CSMD1: variants seen among roughly 807,000 people sequenced by gnomAD.
The protein encoded by CSMD1 is CUB and Sushi multiple domains 1.
CSMD1 carries 213 observed loss-of-function variants against 417.5 expected under a neutral mutation model. The ratio of observed to expected loss-of-function variants is 0.51; its 90% confidence interval spans 0.46 to 0.57. The LOEUF (loss-of-function observed/expected upper bound fraction) is 0.57. Ranked by LOEUF, CSMD1 falls within the 20% of genes least tolerant of loss-of-function variation. CSMD1 has a pLI of 0.00. For missense variants in CSMD1, 6,923 were observed against 4,529.7 expected (o/e 1.53, Z -15.17); for synonymous variants, 2,862 against 1,736.8 (o/e 1.65, Z -16.11).
chr8:4,757,327 G>A (rs1343182840), intron 1 of CSMD1, among the ~76,000 whole-genome samples: 1 of 152,116 alleles, frequency 6.6e-6, no homozygotes, highest in Non-Finnish European at 1.5e-5. Context: ...ATCATGTCTT[G>A]AATTTCTCCT....
At chr8:4,201,887 TGGG>T (rs5741962) in intron 3 of CSMD1, among the ~76,000 whole-genome samples, 10 of 127,830 alleles carry the variant, frequency 7.8e-5, no homozygotes, top group East Asian at 2.5e-4. Flanking sequence ...ATGGAAATTT[TGGG>T]GGGGGGGGGC....
intron 26 of CSMD1, 88 bp from the exon 27 acceptor site, chr8:3,230,319 A>ACT: frequency 1.9e-6 from 2 of 1,045,868 alleles, no homozygotes; most frequent in Non-Finnish European, 2.7e-6. Flanking sequence ...GGGTTGAAGC[A>ACT]CTCTTCATTG....
intron 5 of CSMD1, among the ~76,000 whole-genome samples, chr8:3,817,899 A>T (rs1361160998): frequency 1.3e-5 from 2 of 152,188 alleles, no homozygotes; most frequent in Non-Finnish European, 2.9e-5. Context: ...GCTAAGATGC[A>T]GATTCAGCCC....
chr8:3,813,447 A>G (rs1044203661), intron 5 of CSMD1, among the ~76,000 whole-genome samples: 9 of 152,142 alleles, frequency 5.9e-5, no homozygotes, highest in African/African-American at 9.7e-5. Flanking sequence ...TTAAGTCTAT[A>G]AGCATGGTAT....
At chr8:4,303,247 A>C (rs1453178996) in intron 3 of CSMD1, among the ~76,000 whole-genome samples, 2 of 152,118 alleles carry the variant, frequency 1.3e-5, no homozygotes, top group Admixed American at 1.3e-4. Context: ...AGTATTCTCT[A>C]CTCTCATGAA....
chr8:4,776,487 G>A (rs1446990158), intron 1 of CSMD1, among the ~76,000 whole-genome samples: 1 of 152,100 alleles, frequency 6.6e-6, no homozygotes, highest in Non-Finnish European at 1.5e-5. Context: ...GCAGAGTTGT[G>A]GTTAGGAACC....
chr8:4,633,658 G>A (rs1427353810), intron 2 of CSMD1, among the ~76,000 whole-genome samples: 1 of 151,680 alleles, frequency 6.6e-6, no homozygotes, highest in African/African-American at 2.4e-5. Context: ...CCAGGTTCAA[G>A]TGATTCTCCT....
intron 2 of CSMD1, among the ~76,000 whole-genome samples, chr8:4,457,130 TA>T (rs1799537691): frequency 6.6e-6 from 1 of 152,116 alleles, no homozygotes; most frequent in South Asian, 2.1e-4. Context: ...GTGAAAGAGT[TA>T]TTCCTATACC....
intron 5 of CSMD1, among the ~76,000 whole-genome samples, chr8:3,786,028 T>C (rs993325395): frequency 2.6e-5 from 4 of 151,978 alleles, no homozygotes; most frequent in Non-Finnish European, 4.4e-5. Flanking sequence ...GTGAAGAAAA[T>C]TAGAAGGACG....
chr8:4,703,392 C>A (rs1240997774), intron 1 of CSMD1, among the ~76,000 whole-genome samples: 1 of 152,160 alleles, frequency 6.6e-6, no homozygotes, highest in Non-Finnish European at 1.5e-5. Flanking sequence ...TAGCGATGGA[C>A]TCAACATCAT....
At position 4,265,856 on chromosome 8, in the gene CSMD1, A is replaced by G. The variant is rs1275494189; in HGVS notation, c.415+154097T>C. Reference sequence around the variant, plus strand: ...TACCCTAAAAGCCAGCTATTTCTATAGGTCCATGGTGTCCCCACAGATAAA... The same window carrying G: ...TACCCTAAAAGCCAGCTATTTCTATGGGTCCATGGTGTCCCCACAGATAAA... On this transcript the variant is annotated intron_variant, in intron 3 of 69. Transcript: ENST00000635120. Among the ~76,000 whole-genome samples the G allele has an allele frequency of 4.8e-5, 5 of 105,006 alleles. 2 individuals are homozygous for G. Among genetic ancestry groups the G allele is most frequent in the Admixed American group, 1.8e-4 (2 of 11,078 alleles). 68.9% of individuals were successfully genotyped at this position (105,006 alleles called of 152,430 possible).
chr8:4,096,021 A>G (rs1243499499), intron 3 of CSMD1, among the ~76,000 whole-genome samples: 2 of 151,692 alleles, frequency 1.3e-5, no homozygotes, highest in Admixed American at 1.3e-4. Context: ...AAGGATAATA[A>G]TTCATGGGTA....
At chr8:4,118,438 G>T (rs1029593771) in intron 3 of CSMD1, among the ~76,000 whole-genome samples, 3 of 151,820 alleles carry the variant, frequency 2.0e-5, no homozygotes, top group Non-Finnish European at 2.9e-5. Context: ...AAAGGATATG[G>T]ACAGTCACTT....
At chr8:4,045,312 A>G (rs922289586) in intron 3 of CSMD1, among the ~76,000 whole-genome samples, 4 of 152,236 alleles carry the variant, frequency 2.6e-5, no homozygotes, top group Admixed American at 1.3e-4. Context: ...TTATAGGGTT[A>G]GGCAGGTAAA....
At chr8:3,210,937 A>G (rs1797568106) in intron 30 of CSMD1, among the ~76,000 whole-genome samples, 1 of 151,828 alleles carries the variant, frequency 6.6e-6, no homozygotes, top group African/African-American at 2.4e-5. Context: ...CTCACACTAG[A>G]CTCTATATAA....
chr8:3,366,940 T>C (rs192823968), intron 20 of CSMD1, 92 bp downstream of exon 20: 61 of 979,760 alleles, frequency 6.2e-5, no homozygotes, highest in Non-Finnish European at 8.7e-5. Context: ...GATGCACACA[T>C]TACACACACA....
At chr8:4,751,596 T>G (rs914213402) in intron 1 of CSMD1, among the ~76,000 whole-genome samples, 1 of 151,896 alleles carries the variant, frequency 6.6e-6, no homozygotes, top group Non-Finnish European at 1.5e-5. Flanking sequence ...AAAAACAGAG[T>G]TTATTCAGGA....
chr8:3,505,134 T>G (rs779987825), intron 10 of CSMD1, among the ~76,000 whole-genome samples: 15 of 152,098 alleles, frequency 9.9e-5, no homozygotes, highest in Non-Finnish European at 2.1e-4. Flanking sequence ...TTCAGTAAAT[T>G]ATTGAAATCT....
intron 2 of CSMD1, among the ~76,000 whole-genome samples, chr8:4,433,772 G>C (rs146115658): frequency 7.6e-4 from 115 of 152,172 alleles, no homozygotes; most frequent in African/African-American, 2.4e-3. Context: ...TATAGATGGA[G>C]TTTAAAATTT....
Sources: allele counts gnomAD v4.1 joint callset (sites outside exome capture counted in the v4.1 genomes callset), GRCh38; gene constraint gnomAD v4.1.1; transcripts MANE v1.5; gene names NCBI Gene and HGNC (gene_info 2026-07-23, HGNC 2026-07-21).